The following OMD variants were observed in gnomAD, a reference collection of about 807,000 sequenced individuals.
OMD encodes the protein osteomodulin.
OMD carries 19 observed loss-of-function variants against 31.2 expected under a neutral mutation model. That is an observed-to-expected ratio of 0.61 (90% confidence interval 0.42 to 0.89). The LOEUF is 0.89. OMD is among the 40% of genes least tolerant of loss of function. OMD has a pLI of 0.00. For missense variants in OMD, 448 were observed against 490.8 expected, an observed-to-expected ratio of 0.91 and a Z score of 0.82; for synonymous variants, 155 against 166.4, an observed-to-expected ratio of 0.93 and a Z score of 0.53.
At position 92,415,476 on chromosome 9, in the gene OMD, C is replaced by T; in HGVS notation, c.942G>A (p.Lys314=). The change falls in exon 3 of 3, where the codon AAG becomes AAA. Residue 314 remains lysine (K), a splice_region_variant and synonymous_variant. Transcript: ENST00000375550. Reference sequence around the variant, plus strand: ...AAGGACACATCACTGTAAGATTCATCTCTGAAAGAAATAAATTAAAAATTA... The same window carrying T: ...AAGGACACATCACTGTAAGATTCATTTCTGAAAGAAATAAATTAAAAATTA... ...HLYLQNNEIE[K]MNLTVMCPSI... is the part of the protein sequence containing the mutation. 1.9e-6 allele frequency: 3 copies of T among 1,546,780 alleles called. No homozygotes were observed. The highest frequency in any genetic ancestry group is 2.0e-5 in the Admixed American group (1 of 50,720).
chr9:92,415,102 T>G lies in OMD; in HGVS notation c.*50A>C. On this transcript the variant is annotated 3_prime_UTR_variant, in exon 3 of 3. Coordinates refer to ENST00000375550, the MANE Select transcript of OMD (RefSeq NM_005014.3). Reference sequence around the variant, plus strand: ...TACATGTTTACTTAGATTTACTATATTAAGTATAGGTTTTGTGAAGTCGTA... The same window carrying G: ...TACATGTTTACTTAGATTTACTATAGTAAGTATAGGTTTTGTGAAGTCGTA... 1 of 1,334,374 alleles carries G rather than the reference T, an allele frequency of 7.5e-7. No individual in the cohort carries two copies. Among genetic ancestry groups the G allele is most frequent in the Non-Finnish European group, 1.0e-6 (1 of 970,708 alleles). 82.7% of individuals were successfully genotyped at this position (1,334,374 alleles called of 1,614,324 possible).
rs749784877 is a variant in OMD, at chr9:92,415,448, T to A, written c.970A>T (p.Ile324Phe). ...AAATGGTGGTAATGTAGTGGGTCAA[T>A]AGAAGGACACATCACTGTAAGATTC... Reference protein sequence around the residue: ...KMNLTVMCPSIDPLHYHHLTY... With the variant: ...KMNLTVMCPSFDPLHYHHLTY... Residue 324 changes from isoleucine to phenylalanine, a missense_variant, in exon 3 of 3, where the codon ATT (isoleucine) becomes TTT (phenylalanine). Coordinates refer to ENST00000375550, the MANE Select transcript of OMD (RefSeq NM_005014.3). The A allele has an allele frequency of 3.7e-6, 6 of 1,610,702 alleles. No homozygotes were observed.
chr9:92,422,218 A>G (rs1210909929), intron 1 of OMD, among the ~76,000 whole-genome samples: 3 of 151,758 alleles, frequency 2.0e-5, no homozygotes, highest in Non-Finnish European at 4.4e-5. Flanking sequence ...GACTGGCTAC[A>G]TTTTTTTGTA....
In OMD at chr9:92,416,319, C is replaced by T. The variant is rs562399866; in HGVS notation, c.940+300G>A. Among the ~76,000 whole-genome samples the T allele has an allele frequency of 4.6e-5, 7 of 151,686 alleles. No homozygotes were observed. In the East Asian group the frequency reaches 1.2e-3, roughly 25 times the overall value. On this transcript the variant is annotated intron_variant, in intron 2 of 2. Transcript: ENST00000375550. ...TTCACTATATTGACCAGGCTGATCTCGAACTCCTGGCCTCAAGTGATCCAC... is the reference window on the plus strand; with the variant it reads ...TTCACTATATTGACCAGGCTGATCTTGAACTCCTGGCCTCAAGTGATCCAC...
chr9:92,420,285 C>A (rs1470969836), intron 1 of OMD, among the ~76,000 whole-genome samples: 1 of 152,180 alleles, frequency 6.6e-6, no homozygotes, highest in Non-Finnish European at 1.5e-5. Flanking sequence ...TCATCCATAC[C>A]TCCCAACATT....
At chr9:92,421,914 T>C (rs776096918) in intron 1 of OMD, among the ~76,000 whole-genome samples, 10 of 152,164 alleles carry the variant, frequency 6.6e-5, no homozygotes, top group Non-Finnish European at 1.5e-4. Context: ...GGAAAGTCTT[T>C]TGTAGACATC....
chr9:92,423,114 T>C (rs940160670), intron 1 of OMD, among the ~76,000 whole-genome samples: 2 of 152,244 alleles, frequency 1.3e-5, no homozygotes, highest in African/African-American at 4.8e-5. Flanking sequence ...TATGATAATT[T>C]CTTCAAATGA....
rs1588111752 is a variant in OMD at position 92,412,942 on chromosome 9, A to G, written c.*2210T>C. Among the ~76,000 whole-genome samples, 3 of 138,710 alleles carry G rather than the reference A, an allele frequency of 2.2e-5. No individual in the cohort carries two copies. The highest frequency in any genetic ancestry group is 5.3e-5 in the African/African-American group (2 of 37,398). 91.0% of individuals were successfully genotyped at this position (138,710 alleles called of 152,430 possible). ...GTTCAGTTCTATTGGGTATATAGTT[A>G]GGAATGGAATCGCTGGGTTATATGT... On this transcript the variant is annotated 3_prime_UTR_variant, in exon 3 of 3. Transcript: ENST00000375550.
At position 92,417,282 on chromosome 9, in the gene OMD, T is replaced by A. The variant is rs749001249; in HGVS notation, c.277A>T (p.Ile93Phe). ...TTGAACTGAAGGTAGAGTTGCTGAA[T>A]GTGCATCGGAATATTTGGGATAGTC... Reference protein sequence around the residue: ...LKTIPNIPMHIQQLYLQFNEI... With the variant: ...LKTIPNIPMHFQQLYLQFNEI... The change falls in exon 2 of 3, where the codon ATT (isoleucine) becomes TTT (phenylalanine). Residue 93 changes from isoleucine to phenylalanine, a missense_variant. Physicochemically the swap from Ile to Phe is conservative, Grantham distance 21. Transcript: ENST00000375550. 1.2e-6 allele frequency: 2 copies of A among 1,614,118 alleles called. No homozygotes were observed.
At position 92,412,614 on chromosome 9, in the gene OMD, G is replaced by A. The variant is rs987738890; in HGVS notation, c.*2538C>T. 1.6e-4 allele frequency among the ~76,000 whole-genome samples: 25 copies of A among 152,182 alleles called. No homozygotes were observed. The highest frequency in any genetic ancestry group is 1.5e-3 in the Admixed American group (23 of 15,286). On this transcript the variant is annotated 3_prime_UTR_variant, in exon 3 of 3. Transcript: ENST00000375550. ...ATAAAGATGGAATCATACAATTTGT[G>A]TCTTTTTACGACTGACTTCTTTCAC...
Position 92,414,852 on chromosome 9 carries a change from T to A in OMD, c.*300A>T. On this transcript the variant is annotated 3_prime_UTR_variant, in exon 3 of 3. Coordinates refer to ENST00000375550, the MANE Select transcript of OMD (RefSeq NM_005014.3). ...GAAAAATTACTGTTAATAGAAATGA[T>A]ACACTCACTTTCTTTAACATGATAT... The A allele has an allele frequency of 3.8e-6, 1 of 260,092 alleles. No homozygotes were observed. 16.1% of individuals were successfully genotyped at this position (260,092 alleles called of 1,614,324 possible). A position where few individuals can be genotyped will look rare whatever the true frequency, so the allele number is the denominator to read the frequency against.
In OMD at chr9:92,417,181, T is replaced by A. The variant is rs141944988; in HGVS notation, c.378A>T (p.Lys126Asn). Residue 126 changes from lysine (K) to asparagine (N), a missense_variant, in exon 2 of 3, where the codon AAA (lysine) becomes AAT (asparagine). Lys to Asn is a moderately conservative substitution (Grantham distance 94). Transcript: ENST00000375550. ...CATAATCAATCTTTTGAGATTTAATTTTGTTGTGGCTGAGGTTAATTTCTT... is the reference window on the plus strand; with the variant it reads ...CATAATCAATCTTTTGAGATTTAATATTGTTGTGGCTGAGGTTAATTTCTT... Reference protein sequence around the residue: ...HLKEINLSHNKIKSQKIDYGV... With the variant: ...HLKEINLSHNNIKSQKIDYGV... The A allele has an allele frequency of 6.8e-6, 11 of 1,613,790 alleles. No homozygotes were observed. Among genetic ancestry groups the A allele is most frequent in the Non-Finnish European group, 9.3e-6 (11 of 1,179,986 alleles).
Position 92,419,574 on chromosome 9 carries a change from C to T in OMD, c.-16-2000G>A, listed in dbSNP as rs148657249. Among the ~76,000 whole-genome samples the T allele has an allele frequency of 2.5e-3, 379 of 152,228 alleles. 1 individual carries two copies. Among genetic ancestry groups the T allele is most frequent in the African/African-American group, 8.7e-3 (361 of 41,524 alleles). The stretch of plus-strand genomic sequence containing the variant: ...TTGGGCTCCCAAAGTGCTGGGATTA[C>T]GGGCGTGAGCCACTGCATCCAGCCT... On this transcript the variant is annotated intron_variant, in intron 1 of 2. Coordinates refer to ENST00000375550, the MANE Select transcript of OMD (RefSeq NM_005014.3).
At chr9:92,421,180 C>T (rs1843780863) in intron 1 of OMD, among the ~76,000 whole-genome samples, 1 of 152,134 alleles carries the variant, frequency 6.6e-6, no homozygotes, top group East Asian at 1.9e-4. Context: ...GCTGGGATTA[C>T]AGATGCGTGC....
chr9:92,421,212 T>A (rs1465704458), intron 1 of OMD, among the ~76,000 whole-genome samples: 1 of 152,058 alleles, frequency 6.6e-6, no homozygotes, highest in African/African-American at 2.4e-5. Context: ...GCTAATTTTT[T>A]AATTTTTTGT....
intron 1 of OMD, among the ~76,000 whole-genome samples, chr9:92,420,016 T>C (rs1843737294): frequency 2.0e-5 from 3 of 152,224 alleles, no homozygotes; most frequent in South Asian, 2.1e-4. Flanking sequence ...TATTTGGAAT[T>C]TGAAGTAGTT....
In OMD at chr9:92,413,377, A is replaced by G. The variant is rs1051352437; in HGVS notation, c.*1775T>C. 8.5e-5 allele frequency among the ~76,000 whole-genome samples: 13 copies of G among 152,052 alleles called. No homozygotes were observed. Among genetic ancestry groups the G allele is most frequent in the African/African-American group, 2.2e-4 (9 of 41,402 alleles). On this transcript the variant is annotated 3_prime_UTR_variant, in exon 3 of 3. Coordinates refer to ENST00000375550, the MANE Select transcript of OMD (RefSeq NM_005014.3). ...CTTCCAAAGGTGTATGAAGGCTCCAATTTTTCCACATCTTGCCAACACTTG... is the reference window on the plus strand; with the variant it reads ...CTTCCAAAGGTGTATGAAGGCTCCAGTTTTTCCACATCTTGCCAACACTTG...
At chr9:92,418,935 C>T (rs963824306) in intron 1 of OMD, among the ~76,000 whole-genome samples, 3 of 152,122 alleles carry the variant, frequency 2.0e-5, no homozygotes, top group African/African-American at 7.2e-5. Flanking sequence ...TTACATTTTT[C>T]TTCCTAGCTT....
intron 1 of OMD, among the ~76,000 whole-genome samples, chr9:92,421,353 A>C (rs1342858051): frequency 6.6e-6 from 1 of 152,186 alleles, no homozygotes; most frequent in Non-Finnish European, 1.5e-5. Flanking sequence ...GAGGGCCTAA[A>C]TTCTGACCTG....
Sources: gnomAD v4.1 joint callset for allele counts (sites outside exome capture counted in the v4.1 genomes callset) on GRCh38, gnomAD v4.1.1 for gene constraint, MANE v1.5 for transcripts, NCBI Gene and HGNC (gene_info 2026-07-23, HGNC 2026-07-21) for gene names.